ADAMTS15: variants seen among roughly 807,000 people sequenced by gnomAD.
ADAMTS15 encodes the protein ADAM metallopeptidase with thrombospondin type 1 motif 15, also known as A disintegrin and metalloproteinase with thrombospondin motifs 15.
ADAMTS15 carries 35 observed loss-of-function variants against 79.1 expected under a neutral mutation model. The observed-to-expected ratio is 0.44, with a 90% CI of 0.34 to 0.59. ADAMTS15 has a LOEUF of 0.59. Ranked by LOEUF, ADAMTS15 falls within the 20% of genes least tolerant of loss-of-function variation. The probability of loss-of-function intolerance (pLI) is 0.02; values close to 1 mark genes in which losing one functional copy is unlikely to be tolerated. For synonymous variants in ADAMTS15, 616 were observed against 567.3 expected, an observed-to-expected ratio of 1.09 and a Z score of -1.22; for missense variants, 1,324 against 1,318.7, an observed-to-expected ratio of 1.00 and a Z score of -0.06.
chr11:130,462,115 T>C lies in ADAMTS15; in HGVS notation c.1119T>C (p.Asn373=), dbSNP rs1938212081. The C allele has an allele frequency of 1.9e-6, 3 of 1,569,780 alleles. No homozygotes were observed. The highest frequency in any genetic ancestry group is 2.4e-5 in the East Asian group (1 of 41,358). The part of the protein sequence containing the change: ...LGHVFNMPHD[N]VKVCEEVFGK... ...ACGTGTTCAACATGCCCCATGACAA[T>C]GTGAAAGTCTGTGAGGAGGTGTTTG... The change falls in exon 3 of 8, where the codon AAT becomes AAC. Residue 373 remains asparagine, a synonymous_variant. Coordinates refer to ENST00000299164, the MANE Select transcript of ADAMTS15 (RefSeq NM_139055.4). This position sits in a 1 kb window ranked among gnomAD's most constrained non-coding sequence, Gnocchi z 4.3.
chr11:130,449,887 A>G lies in ADAMTS15; in HGVS notation c.914A>G (p.Lys305Arg). ...AAGAAGCTGAACAAAGTGAGTGACA[A>G]GCACCCCGAGTACTGGGACACTGCC... is the stretch of plus-strand genomic sequence containing the variant. ...WQKKLNKVSDKHPEYWDTAIL... is the reference protein window; with the variant it reads ...WQKKLNKVSDRHPEYWDTAIL... Residue 305 changes from lysine (K) to arginine (R), a missense_variant, in exon 1 of 8, where the codon AAG (lysine) becomes AGG (arginine). Transcript: ENST00000299164. This position sits in a 1 kb window ranked among gnomAD's most constrained non-coding sequence, Gnocchi z 7.8. The G allele has an allele frequency of 6.2e-7, 1 of 1,601,780 alleles. No individual in the cohort carries two copies. The highest frequency in any genetic ancestry group is 8.5e-7 in the Non-Finnish European group (1 of 1,179,960).
intron 5 of ADAMTS15, 52 bp downstream of exon 5, chr11:130,469,491 G>A: frequency 7.8e-7 from 1 of 1,274,396 alleles, no homozygotes; most frequent in South Asian, 3.3e-5. Context: ...TGAGGCTGGA[G>A]GTCCCCCCAC....
In ADAMTS15 at chr11:130,448,704, G is replaced by A. The variant is rs1937884709; in HGVS notation, c.-270G>A. Reference sequence around the variant, plus strand: ...CGGCACCTTCCGCTAGTTCTCGGCTGCAAATCTTCGTCCTTGCACTTGACA... The same window carrying A: ...CGGCACCTTCCGCTAGTTCTCGGCTACAAATCTTCGTCCTTGCACTTGACA... On this transcript the variant is annotated 5_prime_UTR_variant, in exon 1 of 8. Transcript: ENST00000299164. Among the ~76,000 whole-genome samples, 1 of 152,266 alleles carries A rather than the reference G, an allele frequency of 6.6e-6. No individual in the cohort carries two copies. The highest frequency in any genetic ancestry group is 2.1e-4 in the South Asian group (1 of 4,838).
At chr11:130,450,532 T>G in intron 1 of ADAMTS15, 1 of 741,990 alleles carries the variant, frequency 1.3e-6, no homozygotes, top group Non-Finnish European at 1.6e-6. Flanking sequence ...ACTGCGAGCA[T>G]CCCTCCTTCA....
At position 130,473,035 on chromosome 11, in the gene ADAMTS15, T is replaced by C. The variant is rs552721143; in HGVS notation, c.2079-12T>C. 1 of 1,611,914 alleles carries C rather than the reference T, an allele frequency of 6.2e-7. No individual in the cohort carries two copies. The highest frequency in any genetic ancestry group is 1.1e-5 in the South Asian group (1 of 90,954). On this transcript the variant is annotated splice_polypyrimidine_tract_variant and intron_variant, in intron 7 of 7. Coordinates refer to ENST00000299164, the MANE Select transcript of ADAMTS15 (RefSeq NM_139055.4). ...CTTCTATCTGATGCACGGCCCCCCT[T>C]TCCCCCGCCAGGCATGGCTACAATT... is the stretch of plus-strand genomic sequence containing the variant.
intron 1 of ADAMTS15, among the ~76,000 whole-genome samples, chr11:130,454,263 C>T (rs1211070957): frequency 6.6e-6 from 1 of 152,186 alleles, no homozygotes; most frequent in Admixed American, 6.5e-5. Flanking sequence ...TCTCTTCCCC[C>T]TTATTCTCTT....
intron 1 of ADAMTS15, among the ~76,000 whole-genome samples, chr11:130,454,068 T>C (rs1190535218): frequency 6.6e-6 from 1 of 152,242 alleles, no homozygotes; most frequent in African/African-American, 2.4e-5. Context: ...TTTGCTCGCC[T>C]TGGCCTCCCA....
chr11:130,470,160 A>ATATATATATGTG (rs1565397669), intron 5 of ADAMTS15, among the ~76,000 whole-genome samples: 2 of 57,294 alleles, frequency 3.5e-5, no homozygotes, highest in East Asian at 3.7e-4. Context: ...ATGTGTATAT[A>ATATATATATGTG]TATATATATA....
chr11:130,457,398 T>C (rs1362692835), intron 1 of ADAMTS15, among the ~76,000 whole-genome samples: 1 of 151,694 alleles, frequency 6.6e-6, no homozygotes, highest in Non-Finnish European at 1.5e-5. Flanking sequence ...GTGTATGGAG[T>C]GACACTGGTA....
At chr11:130,455,488 G>A (rs1391213148) in intron 1 of ADAMTS15, among the ~76,000 whole-genome samples, 1 of 152,174 alleles carries the variant, frequency 6.6e-6, no homozygotes, top group African/African-American at 2.4e-5. Flanking sequence ...CCTGCAAGTC[G>A]GCTGTTCAGT....
Position 130,449,710 on chromosome 11 carries a change from T to C in ADAMTS15, c.737T>C (p.Leu246Pro), listed in dbSNP as rs774694056. The change falls in exon 1 of 8, where the codon CTG (leucine) becomes CCG (proline). Residue 246 changes from leucine to proline, a missense_variant. Coordinates refer to ENST00000299164, the MANE Select transcript of ADAMTS15 (RefSeq NM_139055.4). This position sits in a 1 kb window ranked among gnomAD's most constrained non-coding sequence, Gnocchi z 7.8. ...ADLEHYLLTLLATAARLYRHP... is the reference protein window; with the variant it reads ...ADLEHYLLTLPATAARLYRHP... ...CTGGAACATTATCTGCTGACGCTGCTGGCAACGGCGGCGCGACTCTACCGC... is the reference window on the plus strand; with the variant it reads ...CTGGAACATTATCTGCTGACGCTGCCGGCAACGGCGGCGCGACTCTACCGC... 1 of 1,611,726 alleles carries C rather than the reference T, an allele frequency of 6.2e-7. No individual in the cohort carries two copies. The highest frequency in any genetic ancestry group is 8.5e-7 in the Non-Finnish European group (1 of 1,179,214).
In ADAMTS15 at chr11:130,473,257, C is replaced by T; in HGVS notation, c.2289C>T (p.Gly763=). The T allele has an allele frequency of 6.2e-7, 1 of 1,613,490 alleles. No homozygotes were observed. Among genetic ancestry groups the T allele is most frequent in the South Asian group, 1.1e-5 (1 of 91,080 alleles). ...GTCTGCTGCGGTACAGCGGCACGGG[C>T]ACAGCGGTGGAGAGCCTGCAGGCTT... ...KGSLLRYSGT[G]TAVESLQASR... Residue 763 remains glycine, a synonymous_variant, in exon 8 of 8, where the codon GGC becomes GGT. Transcript: ENST00000299164.
At chr11:130,468,706 A>G (rs1393431464) in intron 4 of ADAMTS15, among the ~76,000 whole-genome samples, 1 of 145,134 alleles carries the variant, frequency 6.9e-6, no homozygotes, top group Admixed American at 7.1e-5. Context: ...CGGAGCTTGC[A>G]GTGAGCCGGG....
Position 130,461,627 on chromosome 11 carries a change from G to C in ADAMTS15, c.1090+6G>C, listed in dbSNP as rs376418426. 1.2e-6 allele frequency: 2 copies of C among 1,614,020 alleles called. No homozygotes were observed. The highest frequency in any genetic ancestry group is 8.5e-7 in the Non-Finnish European group (1 of 1,180,012). ...CACCACTGCCCACGAGCTGGGTAAGGCTGGATAAGCTCCTCCTGGGGTCTT... is the reference window on the plus strand; with the variant it reads ...CACCACTGCCCACGAGCTGGGTAAGCCTGGATAAGCTCCTCCTGGGGTCTT... On this transcript the variant is annotated splice_donor_region_variant and intron_variant, in intron 2 of 7. Coordinates refer to ENST00000299164, the MANE Select transcript of ADAMTS15 (RefSeq NM_139055.4).
intron 1 of ADAMTS15, among the ~76,000 whole-genome samples, chr11:130,455,381 A>T (rs766403337): frequency 6.6e-6 from 1 of 152,176 alleles, no homozygotes; most frequent in Non-Finnish European, 1.5e-5. Context: ...CAATTTTTGT[A>T]TGGAAGCTAT....
chr11:130,453,233 A>C (rs1301755925), intron 1 of ADAMTS15, among the ~76,000 whole-genome samples: 1 of 147,706 alleles, frequency 6.8e-6, no homozygotes, highest in East Asian at 2.0e-4. Context: ...CCTCTCCTCC[A>C]TTCCACTTCT....
At position 130,449,137 on chromosome 11, in the gene ADAMTS15, T is replaced by C. The variant is rs1368549789; in HGVS notation, c.164T>C (p.Phe55Ser). 1 of 1,598,094 alleles carries C rather than the reference T, an allele frequency of 6.3e-7. No individual in the cohort carries two copies. The change falls in exon 1 of 8, where the codon TTT (phenylalanine) becomes TCT (serine). Residue 55 changes from phenylalanine to serine, a missense_variant. Phe to Ser is a radical substitution (Grantham distance 155). Coordinates refer to ENST00000299164, the MANE Select transcript of ADAMTS15 (RefSeq NM_139055.4). This position sits in a 1 kb window ranked among gnomAD's most constrained non-coding sequence, Gnocchi z 7.8. ...PEDSGDQGLI[F>S]QITAFQEDFY... Reference sequence around the variant, plus strand: ...GACTCCGGGGATCAGGGACTCATTTTTCAGATCACAGCATTTCAGGAGGAC... The same window carrying C: ...GACTCCGGGGATCAGGGACTCATTTCTCAGATCACAGCATTTCAGGAGGAC...
chr11:130,471,700 C>G (rs1219192966), intron 7 of ADAMTS15, among the ~76,000 whole-genome samples: 1 of 152,184 alleles, frequency 6.6e-6, no homozygotes, highest in Admixed American at 6.5e-5. Flanking sequence ...CGACCTGATT[C>G]AGATCGCAGT....
intron 1 of ADAMTS15, among the ~76,000 whole-genome samples, chr11:130,457,102 G>C (rs1431631672): frequency 6.6e-6 from 1 of 151,764 alleles, no homozygotes; most frequent in Admixed American, 6.6e-5. Flanking sequence ...GCGTGGTGGC[G>C]CATGCCTGTA....
Sources: allele counts gnomAD v4.1 joint callset (sites outside exome capture counted in the v4.1 genomes callset), GRCh38; gene constraint gnomAD v4.1.1; non-coding constraint Gnocchi (gnomAD v3.1); transcripts MANE v1.5; gene names NCBI Gene and HGNC (gene_info 2026-07-23, HGNC 2026-07-21).